The following RBFOX1 variants were observed in gnomAD, a reference collection of about 807,000 sequenced individuals.
RBFOX1 encodes RNA binding fox-1 homolog 1, also known as RNA binding protein fox-1 homolog 1.
RBFOX1 carries 8 observed loss-of-function variants against 57.7 expected under a neutral mutation model. The ratio of observed to expected loss-of-function variants is 0.14; its 90% CI spans 0.08 to 0.25. The LOEUF (loss-of-function observed/expected upper bound fraction) is 0.25. RBFOX1 is among the 10% of genes least tolerant of loss of function. The pLI is 1.00. For synonymous variants in RBFOX1, 326 were observed against 222.4 expected, an observed-to-expected ratio of 1.47 and a Z score of -4.15; for missense variants, 611 against 548.5, an observed-to-expected ratio of 1.11 and a Z score of -1.14.
In RBFOX1 at chr16:6,556,101, C is replaced by T. The variant is rs1277338892; in HGVS notation, c.-63-98502C>T. 2.8e-4 allele frequency among the ~76,000 whole-genome samples: 42 copies of T among 152,200 alleles called. 1 individual carries two copies. The highest frequency in any genetic ancestry group is 2.9e-5 in the Non-Finnish European group (2 of 68,002). ...GAATTATAATTTAAATCTTCTATTC[C>T]TCCAGAACTCAGGACATTTAATTTA... is the stretch of plus-strand genomic sequence containing the variant. On this transcript the variant is annotated intron_variant, in intron 2 of 15. Coordinates refer to ENST00000550418, the MANE Select transcript of RBFOX1 (RefSeq NM_018723.4).
chr16:6,781,166 T>G (rs1298300640), intron 3 of RBFOX1, among the ~76,000 whole-genome samples: 1 of 152,178 alleles, frequency 6.6e-6, no homozygotes, highest in Non-Finnish European at 1.5e-5. Flanking sequence ...GATTTGATTT[T>G]TGTAGATGGT....
chr16:6,789,160 A>C (rs1245031430), intron 3 of RBFOX1, among the ~76,000 whole-genome samples: 1 of 152,146 alleles, frequency 6.6e-6, no homozygotes, highest in Non-Finnish European at 1.5e-5. Context: ...GCTTGTGGGT[A>C]GAGTGTTCTT....
intron 4 of RBFOX1, among the ~76,000 whole-genome samples, chr16:7,293,453 T>G (rs1424800926): frequency 6.6e-6 from 1 of 152,156 alleles, no homozygotes; most frequent in East Asian, 1.9e-4. Context: ...ACATCTTCCA[T>G]TCTCTCTGCC....
At position 6,685,481 on chromosome 16, in the gene RBFOX1, T is replaced by C. The variant is rs117542852; in HGVS notation, c.-16+30831T>C. On this transcript the variant is annotated intron_variant, in intron 3 of 15. Transcript: ENST00000550418. ...TTTTCTATTTTTAGTAGAGACAGGA[T>C]TTTGCCGTGTTCGCCAGGCTGCTGT... 1.7e-3 allele frequency among the ~76,000 whole-genome samples: 248 copies of C among 142,164 alleles called. 1 individual carries two copies. In the East Asian group the frequency reaches 0.032, roughly 18 times the overall value. 93.3% of individuals were successfully genotyped at this position (142,164 alleles called of 152,430 possible).
intron 4 of RBFOX1, among the ~76,000 whole-genome samples, chr16:7,402,473 T>C (rs1238751703): frequency 6.6e-6 from 1 of 152,190 alleles, no homozygotes; most frequent in African/African-American, 2.4e-5. Context: ...CATTTGAGAA[T>C]TTCTGCCGAG....
intron 2 of RBFOX1, among the ~76,000 whole-genome samples, chr16:6,607,174 C>T (rs2097944764): frequency 2.0e-5 from 3 of 152,130 alleles, no homozygotes; most frequent in South Asian, 2.1e-4. Flanking sequence ...TGTGGGTGAA[C>T]AGATGAGTGT....
At chr16:6,080,234 C>T (rs1468207685) in intron 1 of RBFOX1, among the ~76,000 whole-genome samples, 1 of 152,096 alleles carries the variant, frequency 6.6e-6, no homozygotes, top group Non-Finnish European at 1.5e-5. Context: ...CCTGATCCCA[C>T]AGAATAAGCA....
intron 14 of RBFOX1, among the ~76,000 whole-genome samples, chr16:7,688,035 A>C (rs2147187254): frequency 6.6e-6 from 1 of 152,182 alleles, no homozygotes; most frequent in Admixed American, 6.6e-5. Flanking sequence ...TTAAAAAACA[A>C]AGTATTGGCT....
intron 4 of RBFOX1, among the ~76,000 whole-genome samples, chr16:7,088,563 G>T (rs1047842263): frequency 2.0e-5 from 3 of 151,260 alleles, no homozygotes; most frequent in Non-Finnish European, 2.9e-5. Context: ...TCTGGAGATC[G>T]TATTAAAATA....
At chr16:5,775,246 G>A (rs894547959) in intron 3 of RBFOX1, among the ~76,000 whole-genome samples, 20 of 152,148 alleles carry the variant, frequency 1.3e-4, no homozygotes, top group African/African-American at 4.1e-4. Context: ...AACCACCATA[G>A]CTGTTCCTAA....
intron 4 of RBFOX1, among the ~76,000 whole-genome samples, chr16:7,338,913 T>G (rs959601111): frequency 5.9e-5 from 9 of 152,172 alleles, no homozygotes; most frequent in African/African-American, 2.2e-4. Context: ...GAATGTCTGT[T>G]GATTGGGAAA....
chr16:5,851,532 G>C (rs1007816604), intron 3 of RBFOX1, among the ~76,000 whole-genome samples: 1 of 152,188 alleles, frequency 6.6e-6, no homozygotes, highest in African/African-American at 2.4e-5. Flanking sequence ...TGGGCAGGAC[G>C]AGGTAATAAG....
chr16:6,194,242 C>T (rs1331875005), intron 1 of RBFOX1, among the ~76,000 whole-genome samples: 3 of 152,150 alleles, frequency 2.0e-5, no homozygotes, highest in Admixed American at 2.0e-4. Flanking sequence ...TGAAGAGCCA[C>T]AGAATCCAGC....
chr16:7,064,715 C>T (rs1269242962), intron 4 of RBFOX1, among the ~76,000 whole-genome samples: 1 of 152,128 alleles, frequency 6.6e-6, no homozygotes, highest in Admixed American at 6.5e-5. Flanking sequence ...ATCTAAACCT[C>T]GTGAGAATCA....
Position 5,931,640 on chromosome 16 carries a change from C to G in RBFOX1, c.351+64305C>G, listed in dbSNP as rs149300883. 4.6e-5 allele frequency among the ~76,000 whole-genome samples: 7 copies of G among 152,306 alleles called. No homozygotes were observed. The East Asian group carries it at 1.2e-3, about 25-fold the overall frequency. On this transcript the variant is annotated intron_variant, in intron 4 of 19. Coordinates refer to the RBFOX1 transcript ENST00000641259. ...TGGTCCTGGTGAGAGCTTCCAGGATCAAACAGGTCAGGCTGAAGGAGACTC... is the reference window on the plus strand; with the variant it reads ...TGGTCCTGGTGAGAGCTTCCAGGATGAAACAGGTCAGGCTGAAGGAGACTC...
intron 3 of RBFOX1, among the ~76,000 whole-genome samples, chr16:6,986,304 G>A (rs573175404): frequency 1.1e-4 from 16 of 152,072 alleles, no homozygotes; most frequent in Non-Finnish European, 1.9e-4. Context: ...GGGTTCAAGC[G>A]ACTCTTGCCT....
chr16:6,275,046 G>A (rs2075645776), intron 1 of RBFOX1, among the ~76,000 whole-genome samples: 1 of 152,158 alleles, frequency 6.6e-6, no homozygotes, highest in Admixed American at 6.5e-5. Flanking sequence ...TGCTTCTACA[G>A]AGAGTCACAT....
chr16:7,434,890 C>T (rs993744027), intron 4 of RBFOX1, among the ~76,000 whole-genome samples: 2 of 152,080 alleles, frequency 1.3e-5, no homozygotes, highest in Non-Finnish European at 2.9e-5. Context: ...CAGACATGCA[C>T]CACCACACTG....
At chr16:5,563,519 G>T (rs1318327943) in intron 2 of RBFOX1, among the ~76,000 whole-genome samples, 1 of 152,160 alleles carries the variant, frequency 6.6e-6, no homozygotes, top group Non-Finnish European at 1.5e-5. Flanking sequence ...CCATCTGGTA[G>T]TTTAACTTCA....
Sources: gnomAD v4.1 joint callset for allele counts (sites outside exome capture counted in the v4.1 genomes callset) on GRCh38, gnomAD v4.1.1 for gene constraint, MANE v1.5 for transcripts, NCBI Gene and HGNC (gene_info 2026-07-23, HGNC 2026-07-21) for gene names.